RBFOX1: variants seen among roughly 807,000 people sequenced by gnomAD.
The protein encoded by RBFOX1 is RNA binding protein fox-1 homolog 1.
In RBFOX1, 8 loss-of-function variants were observed where a neutral mutation model predicts 57.7. The ratio of observed to expected loss-of-function variants is 0.14; its 90% confidence interval spans 0.08 to 0.25. The LOEUF (loss-of-function observed/expected upper bound fraction) is 0.25, where lower values mean the gene tolerates loss of function less well. Ranked by LOEUF, RBFOX1 falls within the 10% of genes least tolerant of loss-of-function variation. The pLI is 1.00. For synonymous variants in RBFOX1, 326 were observed against 222.4 expected (o/e 1.47, Z -4.15); for missense variants, 611 against 548.5 (o/e 1.11, Z -1.14).
chr16:5,256,882 T>C (rs1326424204), intron 1 of RBFOX1, among the ~76,000 whole-genome samples: 1 of 151,272 alleles, frequency 6.6e-6, no homozygotes, highest in East Asian at 1.9e-4. Flanking sequence ...TGCAGTGAGC[T>C]GAGATGGCGC....
At chr16:6,213,380 A>G (rs2097310977) in intron 1 of RBFOX1, among the ~76,000 whole-genome samples, 1 of 152,064 alleles carries the variant, frequency 6.6e-6, no homozygotes. Context: ...CAGATTTCTG[A>G]AGCTTCTCTT....
At chr16:6,838,582 G>C (rs1056419161) in intron 3 of RBFOX1, among the ~76,000 whole-genome samples, 1 of 152,288 alleles carries the variant, frequency 6.6e-6, no homozygotes, top group Non-Finnish European at 1.5e-5. Context: ...GTCCTCTTCT[G>C]CTGCCCCTCT....
intron 4 of RBFOX1, among the ~76,000 whole-genome samples, chr16:7,318,065 CGGT>C (rs1397737281): frequency 6.7e-6 from 1 of 148,948 alleles, no homozygotes; most frequent in African/African-American, 2.5e-5. Context: ...TGAATGGTGA[CGGT>C]GGTAGTAGTG....
chr16:6,003,220 G>A (rs1213833986), intron 4 of RBFOX1, among the ~76,000 whole-genome samples: 2 of 151,270 alleles, frequency 1.3e-5, no homozygotes, highest in Non-Finnish European at 3.0e-5. Context: ...CGGAGCTTCC[G>A]GTGAGCCGAG....
chr16:5,340,075 G>A (rs976066166), intron 1 of RBFOX1, among the ~76,000 whole-genome samples: 7 of 152,204 alleles, frequency 4.6e-5, no homozygotes, highest in Admixed American at 4.6e-4. Context: ...CTTACCATAA[G>A]TAGTCTTAGC....
intron 3 of RBFOX1, among the ~76,000 whole-genome samples, chr16:5,737,733 C>G (rs1424222233): frequency 6.6e-6 from 1 of 152,068 alleles, no homozygotes; most frequent in Non-Finnish European, 1.5e-5. Context: ...CTGCACAACT[C>G]TGTGAATTAA....
At chr16:6,448,385 G>T (rs1295530304) in intron 2 of RBFOX1, among the ~76,000 whole-genome samples, 1 of 151,772 alleles carries the variant, frequency 6.6e-6, no homozygotes, top group African/African-American at 2.4e-5. Flanking sequence ...TCTTGAACTC[G>T]TGACCTTGTG....
intron 4 of RBFOX1, among the ~76,000 whole-genome samples, chr16:7,170,633 A>C (rs1255095064): frequency 1.3e-5 from 2 of 152,136 alleles, no homozygotes; most frequent in Non-Finnish European, 2.9e-5. Context: ...AGAGGTACCC[A>C]CTTTGGGTAT....
chr16:5,761,777 G>A (rs4625725), intron 3 of RBFOX1, among the ~76,000 whole-genome samples: 64,877 of 152,026 alleles, frequency 0.43, 14,141 homozygotes, highest in East Asian at 0.62. Flanking sequence ...AATGGGTAAA[G>A]AATAAGCTGA....
intron 4 of RBFOX1, among the ~76,000 whole-genome samples, chr16:5,880,136 T>C (rs955672966): frequency 6.6e-6 from 1 of 152,226 alleles, no homozygotes; most frequent in Non-Finnish European, 1.5e-5. Context: ...CCTGGCACTC[T>C]TTTATGCACT....
At chr16:7,008,058 C>A (rs994551574) in intron 3 of RBFOX1, among the ~76,000 whole-genome samples, 4 of 152,106 alleles carry the variant, frequency 2.6e-5, no homozygotes, top group Non-Finnish European at 4.4e-5. Flanking sequence ...CAGTTGAGAG[C>A]AAACTTGGAT....
At chr16:5,718,091 C>T (rs530294645) in intron 3 of RBFOX1, among the ~76,000 whole-genome samples, 12 of 152,284 alleles carry the variant, frequency 7.9e-5, no homozygotes, top group African/African-American at 2.2e-4. Context: ...TCATCGAATA[C>T]GATGCACACA....
At chr16:5,736,460 T>G (rs576945502) in intron 3 of RBFOX1, among the ~76,000 whole-genome samples, 9 of 152,098 alleles carry the variant, frequency 5.9e-5, no homozygotes, top group African/African-American at 2.2e-4. Context: ...TTGTCCCAGC[T>G]TCTGCTGCGT....
Position 7,460,681 on chromosome 16 carries a change from G to T in RBFOX1, c.28-57466G>T, listed in dbSNP as rs181627121. On this transcript the variant is annotated intron_variant, in intron 4 of 15. Coordinates refer to ENST00000550418, the MANE Select transcript of RBFOX1 (RefSeq NM_018723.4). ...AAACCACCATGACACACGTTTACCT[G>T]TGTAACAATCCTGCACATGTACCCT... Among the ~76,000 whole-genome samples, 77 of 151,614 alleles carry T rather than the reference G, an allele frequency of 5.1e-4. 1 individual carries two copies. The East Asian group carries it at 0.013, about 25-fold the overall frequency.
At chr16:7,227,092 T>C (rs2093172385) in intron 4 of RBFOX1, among the ~76,000 whole-genome samples, 1 of 152,178 alleles carries the variant, frequency 6.6e-6, no homozygotes, top group Non-Finnish European at 1.5e-5. Flanking sequence ...TTTCTGTCAT[T>C]TATAGAACCT....
At chr16:6,034,488 G>A (rs1389940429) in intron 1 of RBFOX1, among the ~76,000 whole-genome samples, 3 of 151,978 alleles carry the variant, frequency 2.0e-5, no homozygotes, top group African/African-American at 4.8e-5. Context: ...CCAAGATGGT[G>A]CTTCCTGGCT....
At chr16:5,830,379 G>GTT (rs112765671) in intron 3 of RBFOX1, among the ~76,000 whole-genome samples, 5 of 141,662 alleles carry the variant, frequency 3.5e-5, no homozygotes, top group Non-Finnish European at 4.7e-5. Flanking sequence ...TTTGCTTTTT[G>GTT]TTTTTTTTTT....
At chr16:5,338,895 C>G (rs1243294416) in intron 1 of RBFOX1, among the ~76,000 whole-genome samples, 2 of 152,072 alleles carry the variant, frequency 1.3e-5, no homozygotes, top group Admixed American at 6.5e-5. Flanking sequence ...CTCCTGCTTT[C>G]TTTCTTTTTA....
At chr16:5,738,988 A>T (rs1345685202) in intron 3 of RBFOX1, among the ~76,000 whole-genome samples, 1 of 80,552 alleles carries the variant, frequency 1.2e-5, no homozygotes, top group Non-Finnish European at 2.8e-5. Flanking sequence ...CTTACTCCAC[A>T]CACCCCTTCC....
Sources: allele counts gnomAD v4.1 joint callset (sites outside exome capture counted in the v4.1 genomes callset), GRCh38; gene constraint gnomAD v4.1.1; transcripts MANE v1.5; gene names NCBI Gene and HGNC (gene_info 2026-07-23, HGNC 2026-07-21).